The following SH3RF3 variants were observed in gnomAD, a reference collection of about 807,000 sequenced individuals.
The protein encoded by SH3RF3 is SH3 domain containing ring finger 3, also known as E3 ubiquitin-protein ligase SH3RF3.
A neutral mutation model predicts 66.3 loss-of-function variants in SH3RF3; 29 were observed. That is an observed-to-expected ratio of 0.44 (90% CI 0.33 to 0.60). SH3RF3 has a LOEUF of 0.60. Ranked by LOEUF, SH3RF3 falls within the 20% of genes least tolerant of loss-of-function variation. The pLI, the probability that SH3RF3 is intolerant of heterozygous loss-of-function variation, is 0.04. For synonymous variants in SH3RF3, 583 were observed against 532.0 expected (o/e 1.10, Z -1.32); for missense variants, 1,194 against 1,190.9 (o/e 1.00, Z -0.04).
chr2:109,197,667 A>G (rs1220000067), intron 1 of SH3RF3, among the ~76,000 whole-genome samples: 1 of 152,128 alleles, frequency 6.6e-6, no homozygotes, highest in African/African-American at 2.4e-5. Flanking sequence ...GTTTTGTGAG[A>G]TGTGTTGGGA....
chr2:109,349,564 G>A (rs1682795365), intron 2 of SH3RF3, among the ~76,000 whole-genome samples: 1 of 152,216 alleles, frequency 6.6e-6, no homozygotes, highest in African/African-American at 2.4e-5. Context: ...ACCAAGAGCA[G>A]GGACCTCTGA....
chr2:109,346,763 G>A (rs1005841108), intron 1 of SH3RF3, among the ~76,000 whole-genome samples: 3 of 152,164 alleles, frequency 2.0e-5, no homozygotes, highest in African/African-American at 4.8e-5. Context: ...AGCTAGTCAC[G>A]GTTTGAGACC....
chr2:109,438,078 TA>T (rs1479832697), intron 7 of SH3RF3, among the ~76,000 whole-genome samples: 6 of 152,244 alleles, frequency 3.9e-5, no homozygotes, highest in Admixed American at 1.3e-4. Flanking sequence ...TACTATTTCT[TA>T]GACTAACGAA....
intron 3 of SH3RF3, among the ~76,000 whole-genome samples, chr2:109,373,168 C>T (rs1027107821): frequency 1.3e-5 from 2 of 152,222 alleles, no homozygotes; most frequent in South Asian, 2.1e-4. Context: ...CTCAACACTT[C>T]GCAAGTTTCC....
At chr2:109,407,977 A>G (rs1676491040) in intron 4 of SH3RF3, among the ~76,000 whole-genome samples, 1 of 152,110 alleles carries the variant, frequency 6.6e-6, no homozygotes, top group Non-Finnish European at 1.5e-5. Flanking sequence ...TAGGAACCAG[A>G]TCCACGGGTT....
chr2:109,222,615 C>T (rs1242751237), intron 1 of SH3RF3, among the ~76,000 whole-genome samples: 1 of 152,210 alleles, frequency 6.6e-6, no homozygotes, highest in Non-Finnish European at 1.5e-5. Flanking sequence ...GTGCCCTGGA[C>T]TGGGCCTAGG....
chr2:109,243,129 A>T (rs1864473), intron 1 of SH3RF3, among the ~76,000 whole-genome samples: 9 of 152,224 alleles, frequency 5.9e-5, no homozygotes, highest in Non-Finnish European at 1.3e-4. Flanking sequence ...CAGGCAGACA[A>T]TTGGGAGCAG....
At chr2:109,314,358 C>T (rs1250399529) in intron 1 of SH3RF3, among the ~76,000 whole-genome samples, 4 of 152,116 alleles carry the variant, frequency 2.6e-5, no homozygotes, top group South Asian at 4.2e-4. Context: ...AAAATGGCTC[C>T]GTTGAAGGGT....
Position 109,474,561 on chromosome 2 carries a change from T to G in SH3RF3, c.2149-16044T>G, listed in dbSNP as rs1395554451. Among the ~76,000 whole-genome samples, 7 of 152,294 alleles carry G rather than the reference T, an allele frequency of 4.6e-5. No individual in the cohort carries two copies. The East Asian group carries it at 1.4e-3, about 29-fold the overall frequency. On this transcript the variant is annotated intron_variant, in intron 8 of 9. Coordinates refer to ENST00000309415, the MANE Select transcript of SH3RF3 (RefSeq NM_001099289.3). ...ATTACAGTCCGAACCGCACGGGGCTTATAGCCATGGGCACAGTGTCCCTGC... is the reference window on the plus strand; with the variant it reads ...ATTACAGTCCGAACCGCACGGGGCTGATAGCCATGGGCACAGTGTCCCTGC...
chr2:109,301,335 CGTGT>C (rs10611024), intron 1 of SH3RF3, among the ~76,000 whole-genome samples: 4 of 132,082 alleles, frequency 3.0e-5, no homozygotes, highest in African/African-American at 7.8e-5. Flanking sequence ...ATCTGTGTGA[CGTGT>C]GTGTGTGTGT....
At chr2:109,418,264 C>T (rs930438030) in intron 4 of SH3RF3, among the ~76,000 whole-genome samples, 1 of 152,144 alleles carries the variant, frequency 6.6e-6, no homozygotes, top group Non-Finnish European at 1.5e-5. Context: ...GGGAGGTGGA[C>T]CCCTTCCTCC....
At chr2:109,242,107 G>T (rs1188154127) in intron 1 of SH3RF3, among the ~76,000 whole-genome samples, 2 of 150,202 alleles carry the variant, frequency 1.3e-5, no homozygotes, top group African/African-American at 4.9e-5. Flanking sequence ...TGGCTCCTCT[G>T]TTCGCCTCCT....
At chr2:109,396,150 A>G (rs1048761493) in intron 3 of SH3RF3, among the ~76,000 whole-genome samples, 1 of 152,202 alleles carries the variant, frequency 6.6e-6, no homozygotes, top group East Asian at 1.9e-4. Context: ...GTGGGCAGAG[A>G]ACACTGGGGT....
At chr2:109,390,119 G>A (rs564710128) in intron 3 of SH3RF3, among the ~76,000 whole-genome samples, 3 of 152,322 alleles carry the variant, frequency 2.0e-5, no homozygotes, top group South Asian at 2.1e-4. Context: ...GAGGCCATGC[G>A]GGTCCCCACC....
At chr2:109,272,798 T>G (rs1037251980) in intron 1 of SH3RF3, among the ~76,000 whole-genome samples, 1 of 152,198 alleles carries the variant, frequency 6.6e-6, no homozygotes, top group Non-Finnish European at 1.5e-5. Context: ...CAGCCCCCGG[T>G]ACTGCCGCAC....
At chr2:109,245,333 A>G (rs1679889179) in intron 1 of SH3RF3, among the ~76,000 whole-genome samples, 1 of 151,474 alleles carries the variant, frequency 6.6e-6, no homozygotes, top group Non-Finnish European at 1.5e-5. Context: ...CTCTGTCCCC[A>G]ACTTGGGGAC....
intron 1 of SH3RF3, among the ~76,000 whole-genome samples, chr2:109,180,013 C>G (rs1018849759): frequency 6.6e-6 from 1 of 152,088 alleles, no homozygotes; most frequent in Non-Finnish European, 1.5e-5. Context: ...CAGACCCATT[C>G]AAATTACCTC....
At chr2:109,493,528 A>G (rs1679184276) in intron 9 of SH3RF3, among the ~76,000 whole-genome samples, 1 of 151,060 alleles carries the variant, frequency 6.6e-6, no homozygotes, top group Non-Finnish European at 1.5e-5. Flanking sequence ...ACCATTGCAT[A>G]CCCACACCCT....
chr2:109,455,303 G>A (rs1678019152), intron 8 of SH3RF3, among the ~76,000 whole-genome samples: 1 of 152,074 alleles, frequency 6.6e-6, no homozygotes, highest in Non-Finnish European at 1.5e-5. Context: ...GGTCCACATT[G>A]GACCCAGCCA....
Sources: gnomAD v4.1 joint callset for allele counts (sites outside exome capture counted in the v4.1 genomes callset) on GRCh38, gnomAD v4.1.1 for gene constraint, MANE v1.5 for transcripts, NCBI Gene and HGNC (gene_info 2026-07-23, HGNC 2026-07-21) for gene names.